PRKD1: variants seen among roughly 807,000 people sequenced by gnomAD.
PRKD1 encodes protein kinase D1.
A neutral mutation model predicts 95.9 loss-of-function variants in PRKD1; 63 were observed. That is an observed-to-expected ratio of 0.66 (90% CI 0.54 to 0.81). The LOEUF (loss-of-function observed/expected upper bound fraction) is 0.81, where lower values mean the gene tolerates loss of function less well. PRKD1 is among the 30% of genes least tolerant of loss of function. The pLI is 0.00. For synonymous variants in PRKD1, 425 were observed against 423.1 expected, an observed-to-expected ratio of 1.00 and a Z score of -0.05; for missense variants, 1,048 against 1,165.3, an observed-to-expected ratio of 0.90 and a Z score of 1.47.
In PRKD1 at chr14:29,731,673, A is replaced by G. The variant is rs60218552; in HGVS notation, c.265-5999T>C. Among the ~76,000 whole-genome samples the G allele has an allele frequency of 2.6e-3, 391 of 152,310 alleles. 1 individual carries two copies. The highest frequency in any genetic ancestry group is 9.1e-3 in the African/African-American group (378 of 41,562). ...TTTTCTTGAAGAATTTATCCGTTTC[A>G]TAATATGTGGTGTCCCTCTTTATAT... On this transcript the variant is annotated intron_variant, in intron 1 of 17. Coordinates refer to ENST00000331968, the MANE Select transcript of PRKD1 (RefSeq NM_002742.3).
At chr14:29,685,761 G>A (rs1460001365) in intron 2 of PRKD1, among the ~76,000 whole-genome samples, 3 of 145,486 alleles carry the variant, frequency 2.1e-5, no homozygotes, top group African/African-American at 8.1e-5. Context: ...TGTGTGTACA[G>A]TCTTTTCTAT....
intron 1 of PRKD1, among the ~76,000 whole-genome samples, chr14:29,741,173 C>A (rs1306281950): frequency 6.6e-6 from 1 of 152,010 alleles, no homozygotes; most frequent in African/African-American, 2.4e-5. Context: ...AGGCTTAGTA[C>A]CTGGGTGATA....
intron 1 of PRKD1, among the ~76,000 whole-genome samples, chr14:29,829,674 A>C (rs951110465): frequency 2.6e-5 from 4 of 152,152 alleles, no homozygotes; most frequent in Non-Finnish European, 5.9e-5. Context: ...CCACTAACAC[A>C]AAAACCTCAC....
intron 1 of PRKD1, among the ~76,000 whole-genome samples, chr14:29,902,964 G>A (rs1894369938): frequency 6.6e-6 from 1 of 152,196 alleles, no homozygotes; most frequent in Non-Finnish European, 1.5e-5. Flanking sequence ...CAAATGAAAA[G>A]TGGGAACAGA....
chr14:29,781,559 T>C (rs764757675), intron 1 of PRKD1, among the ~76,000 whole-genome samples: 1 of 152,242 alleles, frequency 6.6e-6, no homozygotes, highest in Non-Finnish European at 1.5e-5. Flanking sequence ...GATGAAAATT[T>C]ATCCGGCCTG....
chr14:29,904,001 C>G (rs1418627113), intron 1 of PRKD1, among the ~76,000 whole-genome samples: 2 of 152,096 alleles, frequency 1.3e-5, no homozygotes, highest in African/African-American at 4.8e-5. Flanking sequence ...CACACACACA[C>G]ATATAACTGC....
chr14:29,899,490 T>C (rs1894246666), intron 1 of PRKD1, among the ~76,000 whole-genome samples: 1 of 151,940 alleles, frequency 6.6e-6, no homozygotes, highest in African/African-American at 2.4e-5. Context: ...CTACTAAAAA[T>C]ACAAAAATTG....
chr14:29,907,718 G>GT (rs1360318506), intron 1 of PRKD1, among the ~76,000 whole-genome samples: 1 of 152,132 alleles, frequency 6.6e-6, no homozygotes. Context: ...AAACATGGAC[G>GT]TGTCAAAGAT....
intron 1 of PRKD1, among the ~76,000 whole-genome samples, chr14:29,769,244 C>T (rs1375863562): frequency 6.6e-6 from 1 of 151,494 alleles, no homozygotes; most frequent in Non-Finnish European, 1.5e-5. Context: ...ATGTAACACA[C>T]TCTCTCTCTC....
intron 2 of PRKD1, among the ~76,000 whole-genome samples, chr14:29,710,350 T>C (rs548471468): frequency 1.2e-4 from 18 of 152,268 alleles, no homozygotes; most frequent in African/African-American, 4.3e-4. Flanking sequence ...ACATTATCAG[T>C]GATGTCATGT....
rs1415128551 is a variant in PRKD1 at position 29,638,764 on chromosome 14, G to A, written c.837C>T (p.Thr279=). Residue 279 remains threonine, a synonymous_variant, in exon 5 of 18, where the codon ACC becomes ACT. Coordinates refer to ENST00000331968, the MANE Select transcript of PRKD1 (RefSeq NM_002742.3). ...VPHTFVIHSY[T]RPTVCQYCKK... ...TGCAGTACTGGCACACTGTGGGCCG[G>A]GTGTAGGAGTGGATGACAAATGTGT... The A allele has an allele frequency of 6.2e-7, 1 of 1,613,928 alleles. No individual in the cohort carries two copies. Among genetic ancestry groups the A allele is most frequent in the Non-Finnish European group, 8.5e-7 (1 of 1,180,010 alleles).
At chr14:29,682,331 G>T (rs954991011) in intron 2 of PRKD1, among the ~76,000 whole-genome samples, 1 of 152,098 alleles carries the variant, frequency 6.6e-6, no homozygotes, top group African/African-American at 2.4e-5. Flanking sequence ...CAAATGAGAA[G>T]AATTTCCTTT....
intron 2 of PRKD1, among the ~76,000 whole-genome samples, chr14:29,678,438 G>C (rs1224246702): frequency 6.6e-6 from 1 of 152,018 alleles, no homozygotes; most frequent in African/African-American, 2.4e-5. Context: ...TAAAATTCTG[G>C]AATGTTTGAA....
intron 2 of PRKD1, among the ~76,000 whole-genome samples, chr14:29,720,547 CGA>C (rs1344303583): frequency 6.6e-6 from 1 of 151,684 alleles, no homozygotes; most frequent in Non-Finnish European, 1.5e-5. Flanking sequence ...TTTGGGAGGC[CGA>C]GACAGGCGGA....
chr14:29,881,521 C>T (rs551994717), intron 1 of PRKD1, among the ~76,000 whole-genome samples: 172 of 152,262 alleles, frequency 1.1e-3, no homozygotes, highest in Non-Finnish European at 1.9e-3. Flanking sequence ...AGTTTTCCTC[C>T]TCCATCTCTG....
intron 1 of PRKD1, among the ~76,000 whole-genome samples, chr14:29,838,914 A>G (rs1424772971): frequency 6.6e-6 from 1 of 152,190 alleles, no homozygotes; most frequent in Non-Finnish European, 1.5e-5. Flanking sequence ...AAAAACAAAC[A>G]TCAAATTTAT....
chr14:29,579,224 T>C (rs1350193793), intron 16 of PRKD1, among the ~76,000 whole-genome samples: 1 of 152,074 alleles, frequency 6.6e-6, no homozygotes, highest in Non-Finnish European at 1.5e-5. Flanking sequence ...ATTTTCAGTA[T>C]ACGTCATTAA....
rs78805277 is a variant in PRKD1 at position 29,669,009 on chromosome 14, T to C, written c.404-2801A>G. On this transcript the variant is annotated intron_variant, in intron 2 of 17. Transcript: ENST00000331968. ...CCACCATTACTCAACTTGTATTTTT[T>C]TGACTATTTAAACACTATGGATTAT... Among the ~76,000 whole-genome samples, 77 of 151,458 alleles carry C rather than the reference T, an allele frequency of 5.1e-4. 3 individuals are homozygous for C. The highest frequency in any genetic ancestry group is 1.3e-4 in the Non-Finnish European group (9 of 67,662).
At chr14:29,755,982 T>C (rs140084827) in intron 1 of PRKD1, among the ~76,000 whole-genome samples, 3 of 152,160 alleles carry the variant, frequency 2.0e-5, no homozygotes, top group East Asian at 1.9e-4. Context: ...TTAATTCCCA[T>C]AGCTACTCCC....
Sources: gnomAD v4.1 joint callset for allele counts (sites outside exome capture counted in the v4.1 genomes callset) on GRCh38, gnomAD v4.1.1 for gene constraint, MANE v1.5 for transcripts, NCBI Gene and HGNC (gene_info 2026-07-23, HGNC 2026-07-21) for gene names.